Variants in FBXL20 observed in about 807,000 individuals in gnomAD.
FBXL20 encodes the protein F-box/LRR-repeat protein 20.
A neutral mutation model predicts 64.0 loss-of-function variants in FBXL20; 11 were observed. The ratio of observed to expected loss-of-function variants is 0.17; its 90% CI spans 0.11 to 0.28. The LOEUF (loss-of-function observed/expected upper bound fraction) is 0.28. FBXL20 is among the 10% of genes least tolerant of loss of function. The probability of loss-of-function intolerance (pLI) is 1.00; values close to 1 mark genes in which losing one functional copy is unlikely to be tolerated. For synonymous variants in FBXL20, 184 were observed against 189.0 expected (o/e 0.97, Z 0.22); for missense variants, 303 against 526.2 (o/e 0.58, Z 4.15).
chr17:39,363,039 G>C (rs1006718961), intron 1 of FBXL20, among the ~76,000 whole-genome samples: 1 of 150,144 alleles, frequency 6.7e-6, no homozygotes, highest in African/African-American at 2.5e-5. Flanking sequence ...CACTCTTGTC[G>C]CCCAGGCTGG....
intron 2 of FBXL20, among the ~76,000 whole-genome samples, chr17:39,310,940 C>T (rs560183442): frequency 4.6e-5 from 7 of 151,830 alleles, no homozygotes; most frequent in Admixed American, 2.0e-4. Flanking sequence ...GAACTGAGAT[C>T]GCGCCACTGC....
chr17:39,358,396 TATA>T (rs2047762259), intron 1 of FBXL20, among the ~76,000 whole-genome samples: 1 of 152,226 alleles, frequency 6.6e-6, no homozygotes, highest in South Asian at 2.1e-4. Context: ...CAAGATGGCA[TATA>T]AGGCCAGGAG....
chr17:39,298,122 ATTTATT>A (rs965918593), intron 5 of FBXL20, among the ~76,000 whole-genome samples: 71 of 152,008 alleles, frequency 4.7e-4, no homozygotes, highest in African/African-American at 1.7e-3. Context: ...TTATTTATTT[ATTTATT>A]TTTAGAGACA....
At chr17:39,401,713 A>C (rs957906055), upstream of FBXL20, 21 of 1,034,038 alleles carry the variant, frequency 2.0e-5, no homozygotes, top group South Asian at 3.7e-5. Context: ...CGGGCCTCGG[A>C]GCGCCCGGGA....
Position 39,267,157 on chromosome 17 carries a change from CAGG to C in FBXL20, c.933+1667_933+1669del, listed in dbSNP as rs544797618. Among the ~76,000 whole-genome samples the C allele has an allele frequency of 9.8e-4, 149 of 152,172 alleles. 1 individual carries two copies. The highest frequency in any genetic ancestry group is 3.4e-3 in the African/African-American group (141 of 41,526). On this transcript the variant is annotated intron_variant, in intron 12 of 14. Coordinates refer to ENST00000264658, the MANE Select transcript of FBXL20 (RefSeq NM_032875.3). ...ATCCCAGCTACTTGGGAGGCTGAGG[CAGG>C]AGAATTGCTTGAACCTGGGAAGTGG...
chr17:39,348,962 T>C lies in FBXL20; in HGVS notation c.43-5721A>G, dbSNP rs543235743. ...CTCCTGCCTCAGCCTCTCAAATTGC[T>C]GGGATTAGGCCGGGCACAGCAGTTC... On this transcript the variant is annotated intron_variant, in intron 1 of 14. Coordinates refer to ENST00000264658, the MANE Select transcript of FBXL20 (RefSeq NM_032875.3). Among the ~76,000 whole-genome samples the C allele has an allele frequency of 2.2e-4, 34 of 152,124 alleles. No homozygotes were observed. The East Asian group carries it at 6.6e-3, about 30-fold the overall frequency.
At chr17:39,375,051 C>T (rs2047954003) in intron 1 of FBXL20, among the ~76,000 whole-genome samples, 1 of 152,176 alleles carries the variant, frequency 6.6e-6, no homozygotes. Context: ...TCCCAAAGTG[C>T]TGAGATTACA....
At chr17:39,373,979 T>C (rs529745673) in intron 1 of FBXL20, among the ~76,000 whole-genome samples, 1 of 152,270 alleles carries the variant, frequency 6.6e-6, no homozygotes, top group East Asian at 1.9e-4. Flanking sequence ...CCCAGCACTT[T>C]GGGAGGCCGA....
chr17:39,310,059 G>C (rs532848511), intron 2 of FBXL20, among the ~76,000 whole-genome samples: 4 of 151,222 alleles, frequency 2.6e-5, no homozygotes, highest in Admixed American at 2.6e-4. Context: ...AGGCTGAGGC[G>C]GGAGGATTGT....
chr17:39,344,351 CA>C (rs143333496), intron 1 of FBXL20, among the ~76,000 whole-genome samples: 7,233 of 96,924 alleles, frequency 0.075, 243 homozygotes, highest in Admixed American at 0.16. Context: ...AACCCCTCTC[CA>C]AAAAAAAAAA....
At chr17:39,295,784 G>GAGATATATATATATATATATATATATAT (rs758714135) in intron 6 of FBXL20, among the ~76,000 whole-genome samples, 4 of 137,068 alleles carry the variant, frequency 2.9e-5, no homozygotes, top group Non-Finnish European at 6.4e-5. Context: ...CAAATATGGA[G>GAGATATATATATATATATATATATATAT]ATATATATAT....
chr17:39,323,273 C>A (rs1649942320), intron 2 of FBXL20, among the ~76,000 whole-genome samples: 1 of 151,974 alleles, frequency 6.6e-6, no homozygotes, highest in African/African-American at 2.4e-5. Flanking sequence ...CCAGCCTTAA[C>A]CTCATTAATT....
chr17:39,336,900 T>C (rs1276874019), intron 2 of FBXL20, among the ~76,000 whole-genome samples: 1 of 151,268 alleles, frequency 6.6e-6, no homozygotes, highest in Non-Finnish European at 1.5e-5. Context: ...AACTCCACAA[T>C]GCTAACCTTC....
intron 6 of FBXL20, among the ~76,000 whole-genome samples, chr17:39,293,162 G>T (rs943879692): frequency 6.6e-6 from 1 of 151,750 alleles, no homozygotes; most frequent in Non-Finnish European, 1.5e-5. Flanking sequence ...TCTGGACTTT[G>T]ATGTCTTCCT....
At position 39,343,185 on chromosome 17, in the gene FBXL20, C is replaced by T; in HGVS notation, c.99G>A (p.Leu33=). ...AAATTAGCATTCAGACTTACCGTAACAGGAGTTCTTTGGGAAGTTTTTTAT... is the reference window on the plus strand; with the variant it reads ...AAATTAGCATTCAGACTTACCGTAATAGGAGTTCTTTGGGAAGTTTTTTAT... ...VINKKLPKEL[L]LRIFSFLDVV... Residue 33 remains leucine, a synonymous_variant, in exon 2 of 15, where the codon CTG becomes CTA. Coordinates refer to ENST00000264658, the MANE Select transcript of FBXL20 (RefSeq NM_032875.3). The T allele has an allele frequency of 1.2e-6, 2 of 1,600,836 alleles. No individual in the cohort carries two copies.
intron 2 of FBXL20, among the ~76,000 whole-genome samples, chr17:39,325,682 G>A (rs2047402190): frequency 2.0e-5 from 3 of 152,192 alleles, no homozygotes; most frequent in Admixed American, 2.0e-4. Context: ...CCAATGTGAG[G>A]CAACATAAAT....
At chr17:39,385,411 G>A (rs1471557587) in intron 1 of FBXL20, among the ~76,000 whole-genome samples, 2 of 152,170 alleles carry the variant, frequency 1.3e-5, no homozygotes, top group African/African-American at 4.8e-5. Context: ...CTCACTTTAA[G>A]ATAAATAGAA....
At chr17:39,322,476 A>G (rs2047366097) in intron 2 of FBXL20, among the ~76,000 whole-genome samples, 1 of 152,144 alleles carries the variant, frequency 6.6e-6, no homozygotes, top group South Asian at 2.1e-4. Flanking sequence ...GTGAACATAT[A>G]AATTTTTAAT....
intron 6 of FBXL20, among the ~76,000 whole-genome samples, chr17:39,290,888 T>C (rs1028283466): frequency 1.3e-5 from 2 of 152,074 alleles, no homozygotes; most frequent in African/African-American, 4.8e-5. Flanking sequence ...TTGACTAATC[T>C]AGACAGAGGT....
Sources: allele counts gnomAD v4.1 joint callset (sites outside exome capture counted in the v4.1 genomes callset), GRCh38; gene constraint gnomAD v4.1.1; transcripts MANE v1.5; gene names NCBI Gene and HGNC (gene_info 2026-07-23, HGNC 2026-07-21).